The following XYLT1 variants were observed in gnomAD, a reference collection of about 807,000 sequenced individuals.
XYLT1 encodes beta-D-xylosyltransferase 1.
XYLT1 carries 36 observed loss-of-function variants against 91.3 expected under a neutral mutation model. The observed-to-expected ratio is 0.39, with a 90% CI of 0.30 to 0.52. The LOEUF (loss-of-function observed/expected upper bound fraction) is 0.52. Ranked by LOEUF, XYLT1 falls within the 20% of genes least tolerant of loss-of-function variation. The probability of loss-of-function intolerance (pLI) is 0.68; values close to 1 mark genes in which losing one functional copy is unlikely to be tolerated. For missense variants in XYLT1, 1,242 were observed against 1,284.5 expected (o/e 0.97, Z 0.51); for synonymous variants, 588 against 532.0 (o/e 1.11, Z -1.45).
rs866848625 is a variant in XYLT1 at position 17,145,881 on chromosome 16, C to T, written c.1371-4512G>A. 3.7e-4 allele frequency among the ~76,000 whole-genome samples: 57 copies of T among 152,344 alleles called. 1 individual carries two copies. The highest frequency in any genetic ancestry group is 3.4e-3 in the Middle Eastern group (1 of 292). On this transcript the variant is annotated intron_variant, in intron 6 of 11. Coordinates refer to ENST00000261381, the MANE Select transcript of XYLT1 (RefSeq NM_022166.4). ...AGCTGTCTGCATTTCTGCAACAGAC[C>T]TCGTTACTCTGTCTTCAGACTGGAG...
chr16:17,129,298 G>C (rs950389571), intron 9 of XYLT1, among the ~76,000 whole-genome samples: 1 of 152,096 alleles, frequency 6.6e-6, no homozygotes, highest in Non-Finnish European at 1.5e-5. Context: ...GTCTCACTCT[G>C]TTGCCCAGGC....
chr16:17,131,825 C>G (rs9941019), intron 9 of XYLT1, among the ~76,000 whole-genome samples: 3 of 152,180 alleles, frequency 2.0e-5, no homozygotes, highest in Admixed American at 2.0e-4. Context: ...CCACATGCCC[C>G]GGGGCTAGGA....
chr16:17,167,282 G>A (rs1201229259), intron 5 of XYLT1, among the ~76,000 whole-genome samples: 2 of 152,272 alleles, frequency 1.3e-5, no homozygotes, highest in Non-Finnish European at 2.9e-5. Flanking sequence ...TTCCCTTCAA[G>A]GGGACTGTTG....
At chr16:17,186,164 C>T (rs534946041) in intron 5 of XYLT1, among the ~76,000 whole-genome samples, 2 of 152,224 alleles carry the variant, frequency 1.3e-5, no homozygotes, top group East Asian at 1.9e-4. Context: ...AGTGCAGTGG[C>T]GCGATCTCGG....
Position 17,198,355 on chromosome 16 carries a change from G to A in XYLT1, c.1146C>T (p.Arg382=), listed in dbSNP as rs781483531. 5.6e-6 allele frequency: 9 copies of A among 1,614,088 alleles called. No individual in the cohort carries two copies. The highest frequency in any genetic ancestry group is 2.7e-5 in the African/African-American group (2 of 74,930). The change falls in exon 5 of 12, where the codon CGC becomes CGT. Residue 382 remains arginine (R), a synonymous_variant. Coordinates refer to ENST00000261381, the MANE Select transcript of XYLT1 (RefSeq NM_022166.4). ...LQVSRQYSNV[R]VTPWRMATIW... is the part of the protein sequence containing the mutation. ...TGGTGGCCATTCTCCAGGGGGTGACGCGGACATTGCTGTACTGCCTGGAGA... is the reference window on the plus strand; with the variant it reads ...TGGTGGCCATTCTCCAGGGGGTGACACGGACATTGCTGTACTGCCTGGAGA...
At chr16:17,467,377 C>T (rs2036912393) in intron 1 of XYLT1, among the ~76,000 whole-genome samples, 1 of 152,134 alleles carries the variant, frequency 6.6e-6, no homozygotes, top group South Asian at 2.1e-4. Flanking sequence ...TGACAGTTCT[C>T]CCAATATTTT....
chr16:17,344,091 G>C (rs2035105614), intron 2 of XYLT1, among the ~76,000 whole-genome samples: 2 of 152,102 alleles, frequency 1.3e-5, no homozygotes, highest in Admixed American at 1.3e-4. Context: ...AATGTCCAGA[G>C]ACATTTGTGA....
chr16:17,351,918 C>T (rs1355472412), intron 2 of XYLT1, among the ~76,000 whole-genome samples: 3 of 152,048 alleles, frequency 2.0e-5, no homozygotes, highest in African/African-American at 7.2e-5. Context: ...CTGAGGCGGG[C>T]GGACTGCTTG....
At chr16:17,393,041 C>T (rs1273748861) in intron 1 of XYLT1, among the ~76,000 whole-genome samples, 1 of 152,190 alleles carries the variant, frequency 6.6e-6, no homozygotes, top group Non-Finnish European at 1.5e-5. Flanking sequence ...CTTCCTCCTT[C>T]CCCTCCTGCC....
At chr16:17,123,574 A>G (rs1452095083) in intron 10 of XYLT1, among the ~76,000 whole-genome samples, 1 of 152,042 alleles carries the variant, frequency 6.6e-6, no homozygotes, top group East Asian at 1.9e-4. Flanking sequence ...AATTGTTGAG[A>G]CTTGTTTTGT....
rs1486594189 is a variant in XYLT1 at position 17,107,817 on chromosome 16, T to C, written c.*878A>G. 2 of 152,680 alleles carry C rather than the reference T, an allele frequency of 1.3e-5. No homozygotes were observed. Among genetic ancestry groups the C allele is most frequent in the South Asian group, 2.1e-4 (1 of 4,836 alleles). The allele number at this position is 152,680 out of a possible 1,614,324, so 9.5% of individuals were successfully genotyped here. On this transcript the variant is annotated 3_prime_UTR_variant, in exon 12 of 12. Transcript: ENST00000261381. ...CATTTTCAAGGATCAAAGAAGGTCA[T>C]GGTCTTGAGTCTGGTGCTCACAAAC...
In XYLT1 at chr16:17,240,234, G is replaced by T. The variant is rs144868073; in HGVS notation, c.913+18754C>A. On this transcript the variant is annotated intron_variant, in intron 3 of 11. Transcript: ENST00000261381. ...GTGGGGAAGCCTTCAGCTACAGTCTGCTTTCTCTAGGGGATGCAGGAACAG... is the reference window on the plus strand; with the variant it reads ...GTGGGGAAGCCTTCAGCTACAGTCTTCTTTCTCTAGGGGATGCAGGAACAG... Among the ~76,000 whole-genome samples, 330 of 152,318 alleles carry T rather than the reference G, an allele frequency of 2.2e-3. 1 individual carries two copies. Among genetic ancestry groups the T allele is most frequent in the African/African-American group, 7.7e-3 (321 of 41,572 alleles).
chr16:17,213,658 G>A (rs150750316), intron 3 of XYLT1, among the ~76,000 whole-genome samples: 58 of 151,524 alleles, frequency 3.8e-4, no homozygotes, highest in African/African-American at 1.3e-3. Flanking sequence ...TCGCACTGTC[G>A]CCCAGGCTGG....
At chr16:17,394,234 C>A (rs1567186816) in intron 1 of XYLT1, among the ~76,000 whole-genome samples, 1 of 152,184 alleles carries the variant, frequency 6.6e-6, no homozygotes, top group Non-Finnish European at 1.5e-5. Context: ...TCCAGGGCTC[C>A]TGATATAGCC....
At chr16:17,254,635 T>C (rs949950832) in intron 3 of XYLT1, among the ~76,000 whole-genome samples, 1 of 152,144 alleles carries the variant, frequency 6.6e-6, no homozygotes, top group Admixed American at 6.5e-5. Flanking sequence ...CCTCGGGTGA[T>C]CCACCTGCCT....
intron 2 of XYLT1, among the ~76,000 whole-genome samples, chr16:17,354,058 T>A (rs2035259506): frequency 6.6e-6 from 1 of 152,138 alleles, no homozygotes. Flanking sequence ...TTAGTAAGAA[T>A]GAGGATAAGA....
At chr16:17,110,960 G>C (rs1324304937) in intron 11 of XYLT1, among the ~76,000 whole-genome samples, 1 of 152,166 alleles carries the variant, frequency 6.6e-6, no homozygotes, top group East Asian at 1.9e-4. Flanking sequence ...AGGAGTTCGA[G>C]ACCAGCCTGG....
intron 2 of XYLT1, among the ~76,000 whole-genome samples, chr16:17,305,249 A>G (rs556700459): frequency 2.6e-5 from 4 of 152,250 alleles, no homozygotes; most frequent in Non-Finnish European, 4.4e-5. Flanking sequence ...CATGTGTCCA[A>G]TGTGAGCCTA....
In XYLT1 at chr16:17,101,834, C is replaced by T. The variant is rs1966705184; in HGVS notation, c.*6861G>A. On this transcript the variant is annotated 3_prime_UTR_variant, in exon 12 of 12. Coordinates refer to ENST00000261381, the MANE Select transcript of XYLT1 (RefSeq NM_022166.4). ...AGCAAGGCAGTCTGGAAGATGCAGT[C>T]TAGCTGTTCCATTGGCCTGGTCACA... The T allele has an allele frequency of 6.6e-6, 1 of 152,202 alleles. No homozygotes were observed. The highest frequency in any genetic ancestry group is 2.4e-5 in the African/African-American group (1 of 41,440). The allele number at this position is 152,202 out of a possible 1,614,324, so 9.4% of individuals were successfully genotyped here. A position where few individuals can be genotyped will look rare whatever the true frequency, so the allele number is the denominator to read the frequency against.
Sources: gnomAD v4.1 joint callset for allele counts (sites outside exome capture counted in the v4.1 genomes callset) on GRCh38, gnomAD v4.1.1 for gene constraint, MANE v1.5 for transcripts, NCBI Gene and HGNC (gene_info 2026-07-23, HGNC 2026-07-21) for gene names.